Variants in TEX9 observed in about 807,000 individuals in gnomAD.
TEX9 encodes the protein testis expressed 9, also known as testis-expressed protein 9.
In TEX9, 74 loss-of-function variants were observed where a neutral mutation model predicts 59.6. That is an observed-to-expected ratio of 1.24 (90% CI 1.03 to 1.51). The LOEUF (loss-of-function observed/expected upper bound fraction) is 1.51, where lower values mean the gene tolerates loss of function less well. TEX9 is among the 40% of genes most tolerant of loss of function. The pLI, the probability that TEX9 is intolerant of heterozygous loss-of-function variation, is 0.00. For synonymous variants in TEX9, 186 were observed against 152.2 expected, an observed-to-expected ratio of 1.22 and a Z score of -1.64; for missense variants, 522 against 447.8, an observed-to-expected ratio of 1.17 and a Z score of -1.49.
At chr15:56,279,111 C>T (rs563689606) in intron 1 of TEX9, among the ~76,000 whole-genome samples, 4 of 152,002 alleles carry the variant, frequency 2.6e-5, no homozygotes, top group South Asian at 2.1e-4. Context: ...TTAACTTTAA[C>T]GGGAAAAAAG....
intron 1 of TEX9, among the ~76,000 whole-genome samples, chr15:56,308,411 T>A (rs148094574): frequency 6.6e-6 from 1 of 152,298 alleles, no homozygotes; most frequent in Non-Finnish European, 1.5e-5. Flanking sequence ...TTGATTGAAT[T>A]ATTGGTGTTT....
chr15:56,428,864 A>T (rs550110077), intron 12 of TEX9: 3 of 446,564 alleles, frequency 6.7e-6, no homozygotes, highest in Non-Finnish European at 1.2e-5. Context: ...ATGGGGATGC[A>T]AACAGTGCTC....
rs2044624620 is a variant in TEX9 at position 56,274,548 on chromosome 15, A to G, written c.-107+30270A>G. The stretch of plus-strand genomic sequence containing the variant: ...TCTCTCTTTTTTAATGAAATGCTTC[A>G]TGAATTTGTCTGTCATCCTTGCACA... On this transcript the variant is annotated intron_variant, in intron 1 of 5. Coordinates refer to the TEX9 transcript ENST00000560827. The G allele has an allele frequency of 3.3e-5, 5 of 152,070 alleles. No homozygotes were observed. In the South Asian group the frequency reaches 1.0e-3, roughly 32 times the overall value. The allele number at this position is 152,070 out of a possible 1,614,324, so 9.4% of individuals were successfully genotyped here.
At chr15:56,345,987 T>C (rs1262564377) in intron 1 of TEX9, among the ~76,000 whole-genome samples, 1 of 152,184 alleles carries the variant, frequency 6.6e-6, no homozygotes, top group Non-Finnish European at 1.5e-5. Flanking sequence ...AATTGGTCAG[T>C]TAAGCTGAGT....
At chr15:56,319,943 A>T (rs777678875) in intron 1 of TEX9, among the ~76,000 whole-genome samples, 1 of 152,168 alleles carries the variant, frequency 6.6e-6, no homozygotes, top group Non-Finnish European at 1.5e-5. Context: ...TATGATGTGG[A>T]GCCAGGATCA....
At chr15:56,293,386 T>A (rs546420258) in intron 1 of TEX9, among the ~76,000 whole-genome samples, 14 of 151,390 alleles carry the variant, frequency 9.2e-5, no homozygotes, top group African/African-American at 3.4e-4. Flanking sequence ...ATAAAAAAAA[T>A]AAAAAGAAGG....
chr15:56,330,021 C>A (rs76630992), intron 1 of TEX9, among the ~76,000 whole-genome samples: 8,964 of 147,984 alleles, frequency 0.061, 680 homozygotes, highest in East Asian at 0.38. Flanking sequence ...CTAAAAGGAG[C>A]AAGAGAAAAG....
At chr15:56,342,447 A>C (rs143024533) in intron 1 of TEX9, among the ~76,000 whole-genome samples, 93 of 152,240 alleles carry the variant, frequency 6.1e-4, no homozygotes, top group Non-Finnish European at 8.2e-4. Flanking sequence ...TTGCAACAAG[A>C]AACTTCTATC....
chr15:56,318,465 C>T (rs1007098043), intron 1 of TEX9, among the ~76,000 whole-genome samples: 50 of 152,036 alleles, frequency 3.3e-4, no homozygotes, highest in African/African-American at 1.2e-3. Flanking sequence ...CAGTTCTTGG[C>T]CTTTTGATTG....
At chr15:56,288,000 T>C (rs1205033548) in intron 1 of TEX9, among the ~76,000 whole-genome samples, 1 of 152,226 alleles carries the variant, frequency 6.6e-6, no homozygotes, top group Non-Finnish European at 1.5e-5. Flanking sequence ...CAGACATCTC[T>C]TTGACATACT....
intron 12 of TEX9, among the ~76,000 whole-genome samples, chr15:56,442,287 A>T (rs549005938): frequency 1.1e-4 from 16 of 152,294 alleles, no homozygotes; most frequent in African/African-American, 3.8e-4. Flanking sequence ...GTGGGAATGT[A>T]AACTAGTTCA....
At chr15:56,439,102 A>G (rs1363988713) in intron 12 of TEX9, among the ~76,000 whole-genome samples, 28 of 152,218 alleles carry the variant, frequency 1.8e-4, no homozygotes, top group African/African-American at 5.8e-4. Flanking sequence ...GTTGTGAGAT[A>G]CAAGATAAAC....
intron 1 of TEX9, among the ~76,000 whole-genome samples, chr15:56,249,796 G>A (rs2043971691): frequency 6.7e-6 from 1 of 149,342 alleles, no homozygotes; most frequent in African/African-American, 2.5e-5. Flanking sequence ...CTATGGGCAG[G>A]TGGAATTACA....
intron 10 of TEX9, among the ~76,000 whole-genome samples, chr15:56,413,878 G>A (rs1053573576): frequency 2.6e-5 from 4 of 151,668 alleles, no homozygotes; most frequent in Admixed American, 2.6e-4. Context: ...ATGTGCCGTA[G>A]TGATTACAGA....
At chr15:56,326,330 C>T (rs2046018680) in intron 1 of TEX9, among the ~76,000 whole-genome samples, 1 of 152,054 alleles carries the variant, frequency 6.6e-6, no homozygotes, top group South Asian at 2.1e-4. Flanking sequence ...AGTTTTCATG[C>T]CCACACCACA....
At chr15:56,321,064 C>T (rs2045890689) in intron 1 of TEX9, among the ~76,000 whole-genome samples, 1 of 152,196 alleles carries the variant, frequency 6.6e-6, no homozygotes, top group Non-Finnish European at 1.5e-5. Context: ...AGGAGCTAAC[C>T]TGTGAGCTTT....
chr15:56,413,211 A>AATTAAATAATTTAATTTATTT (rs2049463814), intron 10 of TEX9, among the ~76,000 whole-genome samples: 1 of 145,772 alleles, frequency 6.9e-6, no homozygotes, highest in African/African-American at 2.5e-5. Context: ...AATATTTAAT[A>AATTAAATAATTTAATTTATTT]ATTAAATAAT....
chr15:56,454,945 A>T, the TEX9 span, among the ~76,000 whole-genome samples: 6 of 152,186 alleles, frequency 3.9e-5, no homozygotes, highest in African/African-American at 1.4e-4. Flanking sequence ...TCTTAAGTGT[A>T]CAGCTTGTAG....
chr15:56,245,610 G>A (rs190920506), intron 1 of TEX9, among the ~76,000 whole-genome samples: 4 of 152,300 alleles, frequency 2.6e-5, no homozygotes, highest in African/African-American at 9.6e-5. Context: ...AATAGCTAAT[G>A]TTTGTTGAAC....
Sources: allele counts gnomAD v4.1 joint callset (sites outside exome capture counted in the v4.1 genomes callset), GRCh38; gene constraint gnomAD v4.1.1; transcripts MANE v1.5; gene names NCBI Gene and HGNC (gene_info 2026-07-23, HGNC 2026-07-21).